The following GOLGA1 variants were observed in gnomAD, a reference collection of about 807,000 sequenced individuals.
The protein encoded by GOLGA1 is golgin A1.
Under a neutral mutation model 119.7 loss-of-function variants are expected in GOLGA1, and 63 were observed. That is an observed-to-expected ratio of 0.53 (90% CI 0.43 to 0.65). GOLGA1 has a LOEUF of 0.65. Ranked by LOEUF, GOLGA1 falls within the 30% of genes least tolerant of loss-of-function variation. GOLGA1 has a pLI of 0.00. For missense variants in GOLGA1, 798 were observed against 912.8 expected, an observed-to-expected ratio of 0.87 and a Z score of 1.62; for synonymous variants, 318 against 333.4, an observed-to-expected ratio of 0.95 and a Z score of 0.50.
At chr9:124,893,926 T>C (rs1461817176) in intron 15 of GOLGA1, among the ~76,000 whole-genome samples, 1 of 151,888 alleles carries the variant, frequency 6.6e-6, no homozygotes. Context: ...TCAGGTGAGC[T>C]GGTCTGAATT....
intron 10 of GOLGA1, among the ~76,000 whole-genome samples, chr9:124,917,378 A>G (rs1830468669): frequency 6.6e-6 from 1 of 152,206 alleles, no homozygotes; most frequent in African/African-American, 2.4e-5. Flanking sequence ...AACAAATTCC[A>G]AATTTACAAT....
chr9:124,906,784 A>G (rs1053993190), intron 12 of GOLGA1, among the ~76,000 whole-genome samples: 7 of 152,222 alleles, frequency 4.6e-5, no homozygotes, highest in Non-Finnish European at 1.5e-5. Flanking sequence ...CACAGTATCA[A>G]CACAAACTCT....
chr9:124,914,728 A>G (rs1246216001), intron 10 of GOLGA1, among the ~76,000 whole-genome samples: 1 of 152,256 alleles, frequency 6.6e-6, no homozygotes, highest in South Asian at 2.1e-4. Flanking sequence ...GACTAGCCCA[A>G]AGGCATATAC....
intron 12 of GOLGA1, among the ~76,000 whole-genome samples, chr9:124,907,837 G>A (rs1187025577): frequency 1.3e-5 from 2 of 152,180 alleles, no homozygotes; most frequent in Non-Finnish European, 2.9e-5. Context: ...ATATAGGAAC[G>A]CTCATGCATG....
chr9:124,935,170 T>G (rs1332648636), intron 3 of GOLGA1, among the ~76,000 whole-genome samples: 1 of 152,174 alleles, frequency 6.6e-6, no homozygotes, highest in East Asian at 1.9e-4. Flanking sequence ...CCAAACAGTT[T>G]AGGATCAGAA....
chr9:124,946,146 A>AT lies in GOLGA1; in HGVS notation c.-156+1771dup, dbSNP rs1489276193. On this transcript the variant is annotated intron_variant, in intron 1 of 4. Coordinates refer to the GOLGA1 transcript ENST00000421514. This position sits in a 1 kb window ranked among gnomAD's most constrained non-coding sequence, Gnocchi z 4.0. ...GTCAGTTCCATGAATTTTAAATGGT[A>AT]TAATATCTGCTCTACTACTCTCCAG... 1.3e-5 allele frequency: 2 copies of AT among 152,210 alleles called. No individual in the cohort carries two copies. Among genetic ancestry groups the AT allele is most frequent in the Non-Finnish European group, 2.9e-5 (2 of 68,040 alleles). The allele number at this position is 152,210 out of a possible 1,614,324, so 9.4% of individuals were successfully genotyped here.
intron 1 of GOLGA1, chr9:124,947,458 T>A (rs555662104): frequency 6.0e-4 from 92 of 152,148 alleles, no homozygotes; most frequent in Middle Eastern, 3.4e-3. Context: ...GCCCATTTTA[T>A]CCAAACACAA....
Position 124,882,305 on chromosome 9 carries a change from A to G in GOLGA1, c.1965+205T>C, listed in dbSNP as rs189979713. ...ATGCAGGCTCAGAGAAGGCAGGAACAGGGCTGTAGCCACGGAGCTGCTTCA... is the reference window on the plus strand; with the variant it reads ...ATGCAGGCTCAGAGAAGGCAGGAACGGGGCTGTAGCCACGGAGCTGCTTCA... On this transcript the variant is annotated intron_variant, in intron 20 of 22. Coordinates refer to ENST00000373555, the MANE Select transcript of GOLGA1 (RefSeq NM_002077.4). 1.6e-3 allele frequency among the ~76,000 whole-genome samples: 248 copies of G among 152,364 alleles called. 4 individuals are homozygous for G. The highest frequency in any genetic ancestry group is 2.3e-3 in the Non-Finnish European group (157 of 68,032).
At chr9:124,920,012 C>T (rs556006296) in intron 10 of GOLGA1, among the ~76,000 whole-genome samples, 14 of 151,988 alleles carry the variant, frequency 9.2e-5, no homozygotes, top group Middle Eastern at 3.4e-3. Flanking sequence ...CAGGCTGCAG[C>T]GCAGTGGCAC....
At chr9:124,890,598 C>T in intron 15 of GOLGA1, 120 bp from the exon 16 acceptor site, 1 of 770,018 alleles carries the variant, frequency 1.3e-6, no homozygotes. Context: ...ATGCTCCCCA[C>T]TTCCCAGGCT....
At chr9:124,907,859 G>C (rs372327689) in intron 12 of GOLGA1, among the ~76,000 whole-genome samples, 1 of 152,202 alleles carries the variant, frequency 6.6e-6, no homozygotes. Context: ...TGGAGGAGGA[G>C]AGCCAGGTGC....
chr9:124,898,185 C>G (rs1448964575), intron 15 of GOLGA1, among the ~76,000 whole-genome samples: 1 of 152,166 alleles, frequency 6.6e-6, no homozygotes, highest in Non-Finnish European at 1.5e-5. Flanking sequence ...GAAATATCAG[C>G]AAGAGCAGTG....
chr9:124,921,016 T>C (rs991140052), intron 10 of GOLGA1, 113 bp downstream of exon 10: 5 of 710,136 alleles, frequency 7.0e-6, no homozygotes, highest in East Asian at 5.0e-5. Context: ...AATGGAGCCA[T>C]GTGGACTGCA....
At chr9:124,915,437 C>T (rs1186253441) in intron 10 of GOLGA1, among the ~76,000 whole-genome samples, 3 of 152,190 alleles carry the variant, frequency 2.0e-5, no homozygotes, top group African/African-American at 7.2e-5. Context: ...TTAGTCTATA[C>T]AACTGGCCCT....
chr9:124,939,878 T>G (rs1410686726), intron 2 of GOLGA1, among the ~76,000 whole-genome samples: 1 of 152,116 alleles, frequency 6.6e-6, no homozygotes, highest in East Asian at 1.9e-4. Context: ...TTTCTTTTCT[T>G]AAGAATGTTT....
At chr9:124,944,274 TC>T (rs1831105375), upstream of GOLGA1, 1 of 151,754 alleles carries the variant, frequency 6.6e-6, no homozygotes. Context: ...CAAAAACCAT[TC>T]TTCAGGAAAT....
intron 10 of GOLGA1, among the ~76,000 whole-genome samples, chr9:124,916,979 G>GA (rs1830461333): frequency 6.8e-6 from 1 of 146,290 alleles, no homozygotes; most frequent in Non-Finnish European, 1.5e-5. Context: ...ATATAATTGA[G>GA]AAAAAATAAA....
chr9:124,923,808 A>T (rs1277781773), intron 7 of GOLGA1, among the ~76,000 whole-genome samples: 1 of 152,156 alleles, frequency 6.6e-6, no homozygotes, highest in Non-Finnish European at 1.5e-5. Context: ...AAGTTCTTAC[A>T]TCTGTTTAGC....
chr9:124,887,942 G>A (rs1010603751), intron 19 of GOLGA1, among the ~76,000 whole-genome samples: 8 of 152,330 alleles, frequency 5.3e-5, no homozygotes, highest in Middle Eastern at 3.4e-3. Context: ...AAGTATAGAC[G>A]AAAGAGGACT....
Sources: allele counts gnomAD v4.1 joint callset (sites outside exome capture counted in the v4.1 genomes callset), GRCh38; gene constraint gnomAD v4.1.1; non-coding constraint Gnocchi (gnomAD v3.1); transcripts MANE v1.5; gene names NCBI Gene and HGNC (gene_info 2026-07-23, HGNC 2026-07-21).